CRYBG3: variants seen among roughly 807,000 people sequenced by gnomAD.
CRYBG3 encodes the protein crystallin beta-gamma domain containing 3, also known as very large A-kinase anchor protein.
A neutral mutation model predicts 244.2 loss-of-function variants in CRYBG3; 127 were observed. The observed-to-expected ratio is 0.52, with a 90% CI of 0.45 to 0.60. The LOEUF (loss-of-function observed/expected upper bound fraction) is 0.60, where lower values mean the gene tolerates loss of function less well. CRYBG3 is among the 20% of genes least tolerant of loss of function. The pLI is 0.00. For synonymous variants in CRYBG3, 1,132 were observed against 1,195.8 expected, an observed-to-expected ratio of 0.95 and a Z score of 1.10; for missense variants, 3,325 against 3,442.5, an observed-to-expected ratio of 0.97 and a Z score of 0.85.
chr3:97,863,247 C>T (rs888965653), intron 2 of CRYBG3, among the ~76,000 whole-genome samples: 11 of 152,068 alleles, frequency 7.2e-5, no homozygotes, highest in African/African-American at 2.4e-4. Flanking sequence ...TTTACAATTA[C>T]GTAAGTGAGC....
At position 97,872,136 on chromosome 3, in the gene CRYBG3, A is replaced by C; in HGVS notation, c.942A>C (p.Glu314Asp). 6.5e-7 allele frequency: 1 copy of C among 1,536,028 alleles called. No individual in the cohort carries two copies. The highest frequency in any genetic ancestry group is 8.7e-7 in the Non-Finnish European group (1 of 1,146,812). The part of the protein sequence containing the change: ...SDCSKTSFNK[E>D]NSLTNNPELQ... ...GTAGCAAAACAAGTTTCAACAAGGA[A>C]AATTCTTTGACAAATAACCCAGAAC... The change falls in exon 4 of 22, where the codon GAA becomes GAC. Residue 314 changes from glutamate to aspartate, a missense_variant. By Grantham distance (45) the Glu-to-Asp change is conservative. Coordinates refer to ENST00000389622, the MANE Select transcript of CRYBG3 (RefSeq NM_153605.4).
At chr3:97,916,853 A>G (rs992145201) in intron 17 of CRYBG3, among the ~76,000 whole-genome samples, 1 of 152,142 alleles carries the variant, frequency 6.6e-6, no homozygotes, top group African/African-American at 2.4e-5. Flanking sequence ...ATAAGTGGCT[A>G]CTAATACTTC....
At position 97,875,694 on chromosome 3, in the gene CRYBG3, T is replaced by C; in HGVS notation, c.4500T>C (p.Leu1500=). The stretch of plus-strand genomic sequence containing the variant: ...CTAAAAGCAGTTTGTCTGATAGCCT[T>C]GTATGTATATCTGAAAAAAACTTGC... The part of the protein sequence containing the change: ...GTSKSSLSDS[L]VCISEKNLPG... Residue 1500 remains leucine, a synonymous_variant, in exon 4 of 22, where the codon CTT becomes CTC. Transcript: ENST00000389622. 8.1e-7 allele frequency: 1 copy of C among 1,232,670 alleles called. No individual in the cohort carries two copies. The highest frequency in any genetic ancestry group is 1.0e-6 in the Non-Finnish European group (1 of 988,462). 76.4% of individuals were successfully genotyped at this position (1,232,670 alleles called of 1,614,324 possible).
At chr3:97,838,449 A>C (rs1227390457) in intron 1 of CRYBG3, among the ~76,000 whole-genome samples, 1 of 152,062 alleles carries the variant, frequency 6.6e-6, no homozygotes, top group African/African-American at 2.4e-5. Context: ...ATCTGGGGTA[A>C]AGGGTGATTT....
At chr3:97,938,003 C>A (rs1320846067) in intron 19 of CRYBG3, among the ~76,000 whole-genome samples, 1 of 151,984 alleles carries the variant, frequency 6.6e-6, no homozygotes, top group African/African-American at 2.4e-5. Flanking sequence ...GAAGTATCAA[C>A]ATGTGTAGGA....
rs899468120 is a variant in CRYBG3 at position 97,873,578 on chromosome 3, G to A, written c.2384G>A (p.Ser795Asn). ...TCTTCAAACACTAAAGCAAATATGA[G>A]CATAATAGAGAAGTCTGATTCTCTT... The part of the protein sequence containing the change: ...LVSSNTKANM[S>N]IIEKSDSLSL... The change falls in exon 4 of 22, where the codon AGC (serine) becomes AAC (asparagine). Residue 795 changes from serine to asparagine, a missense_variant. Transcript: ENST00000389622. The A allele has an allele frequency of 1.2e-5, 18 of 1,535,252 alleles. No individual in the cohort carries two copies. In the African/African-American group the frequency reaches 1.8e-4, roughly 15 times the overall value.
At position 97,936,919 on chromosome 3, in the gene CRYBG3, A is replaced by G. The variant is rs1469310502; in HGVS notation, c.8505+11A>G. On this transcript the variant is annotated intron_variant, in intron 19 of 21. Coordinates refer to ENST00000389622, the MANE Select transcript of CRYBG3 (RefSeq NM_153605.4). ...CGTCCTATGAAGCAGGTAAGGAGAA[A>G]AGAACCATAAGATTCCAAATAGCTT... The G allele has an allele frequency of 1.2e-6, 2 of 1,607,754 alleles. No individual in the cohort carries two copies. The highest frequency in any genetic ancestry group is 2.2e-5 in the East Asian group (1 of 44,748).
chr3:97,911,503 C>T (rs1267763137), intron 15 of CRYBG3, among the ~76,000 whole-genome samples: 1 of 152,188 alleles, frequency 6.6e-6, no homozygotes, highest in Non-Finnish European at 1.5e-5. Flanking sequence ...CTGTAAGCTG[C>T]ACATTTAAGG....
chr3:97,862,414 G>A (rs2039163808), intron 2 of CRYBG3, among the ~76,000 whole-genome samples: 1 of 152,066 alleles, frequency 6.6e-6, no homozygotes, highest in South Asian at 2.1e-4. Context: ...CTTTCTTCAA[G>A]TGGCGACATA....
At chr3:97,923,578 A>G (rs1498654) in intron 17 of CRYBG3, among the ~76,000 whole-genome samples, 69,925 of 151,664 alleles carry the variant, frequency 0.46, 16,901 homozygotes, top group East Asian at 0.67. Context: ...TCTAATAAAA[A>G]AAAATCTAAA....
intron 1 of CRYBG3, among the ~76,000 whole-genome samples, chr3:97,839,376 C>T (rs2038780685): frequency 6.6e-6 from 1 of 151,964 alleles, no homozygotes; most frequent in Non-Finnish European, 1.5e-5. Context: ...GTATATGTAG[C>T]TACTGTGTTC....
intron 17 of CRYBG3, among the ~76,000 whole-genome samples, chr3:97,932,452 C>G (rs751859443): frequency 5.4e-4 from 82 of 152,044 alleles, no homozygotes; most frequent in Non-Finnish European, 1.0e-3. Flanking sequence ...CAAAGAAAAA[C>G]TATTTCATAA....
chr3:97,832,223 G>C (rs1257744313), intron 1 of CRYBG3, among the ~76,000 whole-genome samples: 1 of 117,182 alleles, frequency 8.5e-6, no homozygotes, highest in Non-Finnish European at 1.7e-5. Context: ...ATTTCATGTG[G>C]AACCAAAAAA....
intron 17 of CRYBG3, among the ~76,000 whole-genome samples, chr3:97,926,869 A>G (rs544921770): frequency 5.6e-4 from 85 of 152,150 alleles, no homozygotes; most frequent in African/African-American, 1.9e-3. Context: ...CAGGGAGGTG[A>G]AAGATCTCTA....
chr3:97,852,318 A>C (rs1287902233), intron 2 of CRYBG3, among the ~76,000 whole-genome samples: 1 of 152,188 alleles, frequency 6.6e-6, no homozygotes, highest in Non-Finnish European at 1.5e-5. Context: ...AATCTAAAGG[A>C]AGAATGGTTT....
At chr3:97,832,217 C>T in intron 1 of CRYBG3, among the ~76,000 whole-genome samples, 1 of 138,132 alleles carries the variant, frequency 7.2e-6, no homozygotes, top group East Asian at 2.1e-4. Context: ...CTTTAAATTT[C>T]ATGTGGAACC....
intron 2 of CRYBG3, among the ~76,000 whole-genome samples, chr3:97,852,197 T>G (rs1263665978): frequency 6.6e-6 from 1 of 152,082 alleles, no homozygotes; most frequent in Non-Finnish European, 1.5e-5. Context: ...TGATATAGGC[T>G]GGAAATTGGA....
chr3:97,822,732 G>C (rs1041410070), intron 1 of CRYBG3, among the ~76,000 whole-genome samples: 1 of 152,242 alleles, frequency 6.6e-6, no homozygotes, highest in Non-Finnish European at 1.5e-5. Context: ...CCCGCCTGCA[G>C]TAATGGGAAA....
At chr3:97,825,507 C>T (rs756937496) in intron 1 of CRYBG3, among the ~76,000 whole-genome samples, 2 of 152,186 alleles carry the variant, frequency 1.3e-5, no homozygotes, top group African/African-American at 4.8e-5. Flanking sequence ...TCCACTTTTA[C>T]GATCTGACAA....
Sources: gnomAD v4.1 joint callset for allele counts (sites outside exome capture counted in the v4.1 genomes callset) on GRCh38, gnomAD v4.1.1 for gene constraint, MANE v1.5 for transcripts, NCBI Gene and HGNC (gene_info 2026-07-23, HGNC 2026-07-21) for gene names.